The following ABCB8 variants were observed in gnomAD, a reference collection of about 807,000 sequenced individuals.
ABCB8 encodes mitochondrial potassium channel ATP-binding subunit.
A neutral mutation model predicts 73.0 loss-of-function variants in ABCB8; 52 were observed. The ratio of observed to expected loss-of-function variants is 0.71; its 90% confidence interval spans 0.57 to 0.90. ABCB8 has a LOEUF of 0.90. Ranked by LOEUF, ABCB8 falls within the 40% of genes least tolerant of loss-of-function variation. The pLI is 0.00. For synonymous variants in ABCB8, 428 were observed against 423.5 expected (o/e 1.01, Z -0.13); for missense variants, 909 against 974.6 (o/e 0.93, Z 0.90).
chr7:151,045,573 G>T lies in ABCB8; in HGVS notation c.*224G>T, dbSNP rs535474058. ...GGCTGCCTCCCTCCCACCAGAGTCT[G>T]CCAGAGTCATTGGGCTGCAATGGGC... is the stretch of plus-strand genomic sequence containing the variant. On this transcript the variant is annotated 3_prime_UTR_variant, in exon 16 of 16. Coordinates refer to ENST00000358849, the MANE Select transcript of ABCB8 (RefSeq NM_007188.5). 2.9e-4 allele frequency: 141 copies of T among 485,886 alleles called. No individual in the cohort carries two copies. The highest frequency in any genetic ancestry group is 2.4e-3 in the African/African-American group (121 of 49,418). The allele number at this position is 485,886 out of a possible 1,614,324, so 30.1% of individuals were successfully genotyped here.
At chr7:151,030,506 G>A (rs1160151565) in intron 1 of ABCB8, among the ~76,000 whole-genome samples, 5 of 88,110 alleles carry the variant, frequency 5.7e-5, no homozygotes, top group African/African-American at 1.1e-4. Flanking sequence ...GCAAGACTCC[G>A]TCTCAAATAA....
In ABCB8 at chr7:151,044,058, T is replaced by C; in HGVS notation, c.1853T>C (p.Leu618Pro). 6.2e-7 allele frequency: 1 copy of C among 1,613,628 alleles called. No individual in the cohort carries two copies. The highest frequency in any genetic ancestry group is 8.5e-7 in the Non-Finnish European group (1 of 1,179,956). The part of the protein sequence containing the change: ...ALIKQPTVLI[L>P]DEATSALDAE... The stretch of plus-strand genomic sequence containing the variant: ...ATCAAGCAGCCCACGGTGCTGATAC[T>C]GGATGAAGCTACCAGCGCGCTGGAT... Residue 618 changes from leucine to proline, a missense_variant, in exon 15 of 16, where the codon CTG becomes CCG. Transcript: ENST00000358849.
Position 151,041,215 on chromosome 7 carries a change from GT to G in ABCB8, c.1601del (p.Val534AlafsTer83). The G allele has an allele frequency of 6.2e-7, 1 of 1,603,288 alleles. No individual in the cohort carries two copies. ...LDPSWLRGQV[V>X]GFISQEPVLF... is the part of the protein sequence containing the mutation. ...CCCCTCCTGGCTCCGGGGCCAGGTT[GT>G]CGGCTTCATCAGCCAGGTGCGGGGC... On this transcript the variant is annotated frameshift_variant, in exon 13 of 16. Coordinates refer to ENST00000358849, the MANE Select transcript of ABCB8 (RefSeq NM_007188.5). LOFTEE classifies it high-confidence loss of function.
chr7:151,042,104 C>A lies in ABCB8; in HGVS notation c.1761C>A (p.Val587=). 2 of 1,612,814 alleles carry A rather than the reference C, an allele frequency of 1.2e-6. No individual in the cohort carries two copies. The highest frequency in any genetic ancestry group is 1.1e-5 in the South Asian group (1 of 91,026). ...GCTTCCCCGAGGGCTACAACACGGTCGTCGGTGGGTGCTCGGGTCTGCCGG... is the reference window on the plus strand; with the variant it reads ...GCTTCCCCGAGGGCTACAACACGGTAGTCGGTGGGTGCTCGGGTCTGCCGG... The part of the protein sequence containing the change: ...ITSFPEGYNT[V]VGERGTTLSG... Residue 587 remains valine, a synonymous_variant, in exon 14 of 16, where the codon GTC becomes GTA. Coordinates refer to ENST00000358849, the MANE Select transcript of ABCB8 (RefSeq NM_007188.5).
chr7:151,033,945 G>C (rs371787947), intron 2 of ABCB8, 28 bp downstream of exon 2: 9 of 1,559,094 alleles, frequency 5.8e-6, no homozygotes, highest in Non-Finnish European at 7.8e-6. Flanking sequence ...TCTCCATCCT[G>C]GGGACAGGGC....
chr7:151,035,546 C>A, intron 5 of ABCB8, 35 bp from the exon 6 acceptor site: 1 of 1,555,704 alleles, frequency 6.4e-7, no homozygotes, highest in Non-Finnish European at 8.7e-7. Flanking sequence ...ATGGTGCGGA[C>A]GCCGTAGCCT....
At position 151,045,411 on chromosome 7, in the gene ABCB8, G is replaced by T; in HGVS notation, c.*62G>T. The T allele has an allele frequency of 7.1e-7, 1 of 1,415,012 alleles. No homozygotes were observed. Among genetic ancestry groups the T allele is most frequent in the Non-Finnish European group, 9.3e-7 (1 of 1,079,832 alleles). The allele number at this position is 1,415,012 out of a possible 1,614,324, so 87.7% of individuals were successfully genotyped here. A position where few individuals can be genotyped will look rare whatever the true frequency, so the allele number is the denominator to read the frequency against. On this transcript the variant is annotated 3_prime_UTR_variant, in exon 16 of 16. Transcript: ENST00000358849. Reference sequence around the variant, plus strand: ...AGTGTTAGGGCTGGGGCTCAGCCTGGGGGAGCCTACTGGGGACTGAGCCCC... The same window carrying T: ...AGTGTTAGGGCTGGGGCTCAGCCTGTGGGAGCCTACTGGGGACTGAGCCCC...
In ABCB8 at chr7:151,040,934, C is replaced by T. The variant is rs1221926574; in HGVS notation, c.1483+12C>T. On this transcript the variant is annotated intron_variant, in intron 12 of 15. Transcript: ENST00000358849. ...CCAGTCTGGCGGAGGTAAGGGGAGC[C>T]CACCACCTCTTCACCCTCTGACTCT... is the stretch of plus-strand genomic sequence containing the variant. The T allele has an allele frequency of 6.3e-7, 1 of 1,599,780 alleles. No individual in the cohort carries two copies. The highest frequency in any genetic ancestry group is 1.1e-5 in the South Asian group (1 of 89,572).
At chr7:151,040,230 T>C (rs759704003) in intron 9 of ABCB8, 38 bp from the exon 10 acceptor site, 18 of 1,605,880 alleles carry the variant, frequency 1.1e-5, no homozygotes, top group Non-Finnish European at 1.5e-5. Context: ...GCTCTTCTTG[T>C]TCCCATCTAT....
intron 1 of ABCB8, among the ~76,000 whole-genome samples, chr7:151,032,623 G>A (rs1203129298): frequency 6.6e-6 from 1 of 152,026 alleles, no homozygotes; most frequent in Admixed American, 6.6e-5. Flanking sequence ...GAACCCGGGA[G>A]GCAGAGGTTG....
rs548409179 is a variant in ABCB8 at position 151,042,711 on chromosome 7, C to T, written c.1765+603C>T. On this transcript the variant is annotated intron_variant, in intron 14 of 15. Coordinates refer to ENST00000358849, the MANE Select transcript of ABCB8 (RefSeq NM_007188.5). ...TTCCAGCCTTCGGGGCCATGTTTCT[C>T]GGCCAGTGTCTTGGCTCTGTTGCAC... 3.8e-4 allele frequency among the ~76,000 whole-genome samples: 58 copies of T among 152,308 alleles called. No homozygotes were observed. In the South Asian group the frequency reaches 6.0e-3, roughly 16 times the overall value.
At chr7:151,031,188 TA>T (rs1168001012) in intron 1 of ABCB8, 1 of 1,128,780 alleles carries the variant, frequency 8.9e-7, no homozygotes, top group East Asian at 2.6e-5. Flanking sequence ...GAACATCTAT[TA>T]TGTACCGGAG....
intron 1 of ABCB8, chr7:151,033,363 C>G (rs1301636489): frequency 1.5e-6 from 2 of 1,348,654 alleles, no homozygotes; most frequent in Non-Finnish European, 1.9e-6. Flanking sequence ...GAGAGTTGCC[C>G]AGGGGAATAA....
At chr7:151,034,644 G>T (rs1392146036) in intron 4 of ABCB8, 45 bp downstream of exon 4, 1 of 1,613,108 alleles carries the variant, frequency 6.2e-7, no homozygotes, top group East Asian at 2.2e-5. Flanking sequence ...CTGATGGCCT[G>T]AGGGGTCTGG....
At position 151,035,672 on chromosome 7, in the gene ABCB8, C is replaced by T. The variant is rs1796284886; in HGVS notation, c.857C>T (p.Pro286Leu). Residue 286 changes from proline to leucine, a missense_variant, in exon 6 of 16, where the codon CCA becomes CTA. By Grantham distance (98) the Pro-to-Leu change is moderately conservative (BLOSUM62 -3). Transcript: ENST00000358849. ...RLTLLLMVAT[P>L]ALMGVGTLMG... ...ACGCTGCTGCTGATGGTGGCCACACCAGCCCTGATGGGAGTGGGCACCCTG... is the reference window on the plus strand; with the variant it reads ...ACGCTGCTGCTGATGGTGGCCACACTAGCCCTGATGGGAGTGGGCACCCTG... The T allele has an allele frequency of 6.2e-7, 1 of 1,613,536 alleles. No individual in the cohort carries two copies. Among genetic ancestry groups the T allele is most frequent in the African/African-American group, 1.3e-5 (1 of 74,944 alleles).
At chr7:151,032,235 T>C (rs1266826721) in intron 1 of ABCB8, among the ~76,000 whole-genome samples, 1 of 152,142 alleles carries the variant, frequency 6.6e-6, no homozygotes, top group Non-Finnish European at 1.5e-5. Context: ...CTTTCCTGAC[T>C]CCCTCTGAGG....
At position 151,046,643 on chromosome 7, in the gene ABCB8, G is replaced by A. The variant is rs1417528303; in HGVS notation, c.*1294G>A. On this transcript the variant is annotated 3_prime_UTR_variant, in exon 16 of 16. Coordinates refer to ENST00000358849, the MANE Select transcript of ABCB8 (RefSeq NM_007188.5). ...CCTGTTCCCCTGGGCAGGAGAAGAG[G>A]TGGTACCTGCAATGCACCTTCACAG... 5 of 152,314 alleles carry A rather than the reference G, an allele frequency of 3.3e-5. No individual in the cohort carries two copies. The allele number at this position is 152,314 out of a possible 1,614,324, so 9.4% of individuals were successfully genotyped here.
intron 14 of ABCB8, among the ~76,000 whole-genome samples, chr7:151,042,657 A>T (rs1796499649): frequency 6.6e-6 from 1 of 152,204 alleles, no homozygotes; most frequent in Non-Finnish European, 1.5e-5. Flanking sequence ...TGCACCTTGC[A>T]GCTTGACGTG....
At chr7:151,043,877 A>G in intron 14 of ABCB8, 94 bp from the exon 15 acceptor site, 1 of 1,546,424 alleles carries the variant, frequency 6.5e-7, no homozygotes, top group South Asian at 1.2e-5. Context: ...CACTTAGAGG[A>G]TCTTGATGGG....
Sources: allele counts gnomAD v4.1 joint callset (sites outside exome capture counted in the v4.1 genomes callset), GRCh38; gene constraint gnomAD v4.1.1; transcripts MANE v1.5; gene names NCBI Gene and HGNC (gene_info 2026-07-23, HGNC 2026-07-21).